Variants in ATP2A2 observed in about 807,000 individuals in gnomAD.
ATP2A2 encodes the protein ATPase sarcoplasmic/endoplasmic reticulum Ca2+ transporting 2.
Under a neutral mutation model 109.3 loss-of-function variants are expected in ATP2A2, and 14 were observed. That is an observed-to-expected ratio of 0.13 (90% confidence interval 0.08 to 0.20). ATP2A2 has a LOEUF of 0.20. Ranked by LOEUF, ATP2A2 falls within the 10% of genes least tolerant of loss-of-function variation. The pLI is 1.00. For missense variants in ATP2A2, 657 were observed against 1,321.6 expected (o/e 0.50, Z 7.80); for synonymous variants, 506 against 490.9 (o/e 1.03, Z -0.41).
intron 8 of ATP2A2, chr12:110,330,226 C>G (rs1414221945): frequency 6.6e-6 from 1 of 152,244 alleles, no homozygotes; most frequent in East Asian, 1.9e-4. Context: ...GAATTTTTAT[C>G]TTGCCAATTT....
intron 14 of ATP2A2, among the ~76,000 whole-genome samples, chr12:110,341,240 T>C (rs145933041): frequency 6.6e-6 from 1 of 151,768 alleles, no homozygotes; most frequent in Non-Finnish European, 1.5e-5. Context: ...TCTGGTGATC[T>C]AGTCTCTTTT....
At chr12:110,282,511 C>G in intron 1 of ATP2A2, 93 bp from the exon 2 acceptor site, 1 of 1,493,266 alleles carries the variant, frequency 6.7e-7, no homozygotes, top group Non-Finnish European at 9.3e-7. Flanking sequence ...TGTAGCAGTT[C>G]TTTTTAGAAA....
rs372303998 is a variant in ATP2A2 at position 110,346,190 on chromosome 12, CTG to C, written c.2860-5_2860-4del. 2.3e-3 allele frequency: 3,780 copies of C among 1,614,164 alleles called. 85 individuals carry two copies. In the African/African-American group the frequency reaches 0.045, roughly 19 times the overall value. On this transcript the variant is annotated splice_polypyrimidine_tract_variant and intron_variant, in intron 19 of 19. Transcript: ENST00000539276. ...AGGCTGGAGGCGTGACACGTCTTCC[CTG>C]TGTGTCAGCTCATCTTCCAGATCAC...
intron 4 of ATP2A2, among the ~76,000 whole-genome samples, chr12:110,293,984 C>G (rs1873678548): frequency 6.8e-6 from 1 of 147,084 alleles, no homozygotes; most frequent in South Asian, 2.2e-4. Context: ...TTGAACAATT[C>G]TCCTGCCTCA....
At chr12:110,293,826 A>ATGTGTGTGTGTGTGTGTGTGTGTGTG (rs59260681) in intron 4 of ATP2A2, among the ~76,000 whole-genome samples, 3 of 108,564 alleles carry the variant, frequency 2.8e-5, no homozygotes, top group African/African-American at 1.2e-4. Flanking sequence ...TGCCATATAT[A>ATGTGTGTGTGTGTGTGTGTGTGTGTG]TGTGTGTGTG....
chr12:110,326,075 A>C, intron 6 of ATP2A2: 1 of 401,804 alleles, frequency 2.5e-6, no homozygotes, highest in Admixed American at 3.6e-5. Flanking sequence ...ACAGTATCAG[A>C]GTATAAAATG....
At chr12:110,338,921 C>G (rs1236760305) in intron 11 of ATP2A2, among the ~76,000 whole-genome samples, 2 of 152,186 alleles carry the variant, frequency 1.3e-5, no homozygotes, top group Non-Finnish European at 1.5e-5. Flanking sequence ...GTTGCACTTC[C>G]GTTCTCTGCC....
intron 4 of ATP2A2, among the ~76,000 whole-genome samples, chr12:110,294,712 A>G (rs900888770): frequency 6.6e-6 from 1 of 152,216 alleles, no homozygotes; most frequent in African/African-American, 2.4e-5. Flanking sequence ...ACTGAATGGT[A>G]TGAGCAGCAA....
At chr12:110,303,219 A>G (rs1874872641) in intron 5 of ATP2A2, among the ~76,000 whole-genome samples, 2 of 152,186 alleles carry the variant, frequency 1.3e-5, no homozygotes, top group South Asian at 4.1e-4. Flanking sequence ...TGTGTGTTCA[A>G]TACAATTATT....
chr12:110,332,271 C>G (rs536891845), intron 8 of ATP2A2: 1 of 366,284 alleles, frequency 2.7e-6, no homozygotes, highest in Non-Finnish European at 5.2e-6. Flanking sequence ...TTTTGCTGAC[C>G]GGGAGTCCTC....
At chr12:110,310,965 C>A (rs889820269) in intron 5 of ATP2A2, among the ~76,000 whole-genome samples, 1 of 152,132 alleles carries the variant, frequency 6.6e-6, no homozygotes, top group Non-Finnish European at 1.5e-5. Flanking sequence ...GGATTATGAT[C>A]CTAGTTCTGC....
At chr12:110,320,065 T>TA (rs1266108136) in intron 5 of ATP2A2, among the ~76,000 whole-genome samples, 1 of 152,208 alleles carries the variant, frequency 6.6e-6, no homozygotes, top group Non-Finnish European at 1.5e-5. Flanking sequence ...TTGGCAGTGT[T>TA]ACCCAGGAAA....
rs770371513 is a variant in ATP2A2 at position 110,339,566 on chromosome 12, A to G, written c.1606A>G (p.Met536Val). 4.3e-6 allele frequency: 7 copies of G among 1,614,074 alleles called. No homozygotes were observed. Among genetic ancestry groups the G allele is most frequent in the East Asian group, 4.5e-5 (2 of 44,900 alleles). Residue 536 changes from methionine (M) to valine (V), a missense_variant, in exon 13 of 20, where the codon ATG becomes GTG. Physicochemically the swap from Met to Val is conservative, Grantham distance 21. Coordinates refer to ENST00000539276, the MANE Select transcript of ATP2A2 (RefSeq NM_170665.4). This position sits in a 1 kb window ranked among gnomAD's most constrained non-coding sequence, Gnocchi z 4.4. ...TCGAGTTGGAAGTACTAAGGTTCCT[A>G]TGACCTCTGGAGTCAAACAGAAGAT... is the stretch of plus-strand genomic sequence containing the variant. The part of the protein sequence containing the change: ...HIRVGSTKVP[M>V]TSGVKQKIMS...
In ATP2A2 at chr12:110,327,515, G is replaced by A. The variant is rs775259638; in HGVS notation, c.631-38G>A. On this transcript the variant is annotated intron_variant, in intron 7 of 19. Transcript: ENST00000539276. This position sits in a 1 kb window ranked among gnomAD's most constrained non-coding sequence, Gnocchi z 4.4. ...GCGTCGGTATTTAAGTTGGGATGTG[G>A]TATTCATCTTGTGACCAGTTCTCTA... The A allele has an allele frequency of 4.4e-6, 7 of 1,577,700 alleles. No individual in the cohort carries two copies. The highest frequency in any genetic ancestry group is 3.3e-5 in the Admixed American group (2 of 59,950).
At chr12:110,288,404 C>CT (rs796752514) in intron 3 of ATP2A2, among the ~76,000 whole-genome samples, 1,474 of 144,928 alleles carry the variant, frequency 0.01, 1 homozygote, top group African/African-American at 0.011. Flanking sequence ...ACAGATAATT[C>CT]TTTTTTTTTT....
chr12:110,347,881 G>A lies in ATP2A2; in HGVS notation c.*1411G>A, dbSNP rs1186179737. 26 of 997,448 alleles carry A rather than the reference G, an allele frequency of 2.6e-5. No homozygotes were observed. The highest frequency in any genetic ancestry group is 1.8e-4 in the South Asian group (4 of 22,742). 61.8% of individuals were successfully genotyped at this position (997,448 alleles called of 1,614,324 possible). ...ACTGTATGTCACTAACTTATAAGCCGCCTCCATGGCAGATGCTGCTGTGCT... is the reference window on the plus strand; with the variant it reads ...ACTGTATGTCACTAACTTATAAGCCACCTCCATGGCAGATGCTGCTGTGCT... On this transcript the variant is annotated 3_prime_UTR_variant, in exon 20 of 20. Transcript: ENST00000539276.
In ATP2A2 at chr12:110,339,848, C is replaced by T. The variant is rs1008962519; in HGVS notation, c.1761+127C>T. On this transcript the variant is annotated intron_variant, in intron 13 of 19. Transcript: ENST00000539276. The surrounding 1 kb of genome is among the most constrained non-coding windows in gnomAD (Gnocchi z 4.4). The stretch of plus-strand genomic sequence containing the variant: ...GAAAGAGGTGTGGTTATTTGTTTTT[C>T]TGCCTGCCAGCTGTGTCACCCTTAA... 8.8e-6 allele frequency: 9 copies of T among 1,023,000 alleles called. No homozygotes were observed. The African/African-American group carries it at 1.4e-4, about 16-fold the overall frequency. 63.4% of individuals were successfully genotyped at this position (1,023,000 alleles called of 1,614,324 possible).
intron 3 of ATP2A2, among the ~76,000 whole-genome samples, chr12:110,291,308 A>T (rs1873265962): frequency 6.6e-6 from 1 of 151,632 alleles, no homozygotes. Context: ...GGTACAAGTG[A>T]TTCTCTTGCC....
chr12:110,305,041 C>A (rs1264741619), intron 5 of ATP2A2, among the ~76,000 whole-genome samples: 1 of 152,006 alleles, frequency 6.6e-6, no homozygotes, highest in African/African-American at 2.4e-5. Flanking sequence ...TCAAGCGATT[C>A]TCCCGCCTCA....
Sources: allele counts gnomAD v4.1 joint callset (sites outside exome capture counted in the v4.1 genomes callset), GRCh38; gene constraint gnomAD v4.1.1; non-coding constraint Gnocchi (gnomAD v3.1); transcripts MANE v1.5; gene names NCBI Gene and HGNC (gene_info 2026-07-23, HGNC 2026-07-21).